FSTL5: variants seen among roughly 807,000 people sequenced by gnomAD.
FSTL5 encodes the protein follistatin like 5, also known as follistatin-related protein 5.
Under a neutral mutation model 89.1 loss-of-function variants are expected in FSTL5, and 62 were observed. The observed-to-expected ratio is 0.70, with a 90% CI of 0.57 to 0.86. The LOEUF is 0.86. FSTL5 is among the 40% of genes least tolerant of loss of function. FSTL5 has a pLI of 0.00. For missense variants in FSTL5, 1,057 were observed against 1,001.6 expected, an observed-to-expected ratio of 1.06 and a Z score of -0.75; for synonymous variants, 383 against 346.2, an observed-to-expected ratio of 1.11 and a Z score of -1.18.
intron 4 of FSTL5, among the ~76,000 whole-genome samples, chr4:161,834,788 G>A (rs140105873): frequency 0.089 from 13,450 of 151,570 alleles, 733 homozygotes; most frequent in African/African-American, 0.16. Flanking sequence ...ACCACTGCTC[G>A]AGGAAATACA....
intron 4 of FSTL5, among the ~76,000 whole-genome samples, chr4:161,902,083 A>G (rs1733383654): frequency 6.6e-6 from 1 of 152,026 alleles, no homozygotes; most frequent in Non-Finnish European, 1.5e-5. Context: ...CTGATATTTC[A>G]TTGTTCCTGG....
At chr4:161,802,368 C>T (rs919097630) in intron 4 of FSTL5, among the ~76,000 whole-genome samples, 4 of 151,618 alleles carry the variant, frequency 2.6e-5, no homozygotes, top group South Asian at 2.1e-4. Flanking sequence ...TTGTCTGAAT[C>T]GAACACAGTG....
intron 15 of FSTL5, among the ~76,000 whole-genome samples, chr4:161,397,355 T>C (rs757021871): frequency 1.3e-5 from 2 of 152,024 alleles, no homozygotes; most frequent in East Asian, 1.9e-4. Context: ...ATTGGTGGAA[T>C]AGAATAAAGG....
At chr4:161,733,079 C>A (rs1282101632) in intron 6 of FSTL5, among the ~76,000 whole-genome samples, 1 of 151,738 alleles carries the variant, frequency 6.6e-6, no homozygotes, top group African/African-American at 2.4e-5. Flanking sequence ...TTTTGTAGAA[C>A]TGATATCTTA....
At chr4:161,675,134 A>G (rs1017308070) in intron 6 of FSTL5, among the ~76,000 whole-genome samples, 27 of 152,166 alleles carry the variant, frequency 1.8e-4, no homozygotes, top group African/African-American at 6.3e-4. Context: ...CCTTTGAATC[A>G]CTTCAATAAA....
intron 6 of FSTL5, among the ~76,000 whole-genome samples, chr4:161,660,765 G>T (rs1207146893): frequency 2.0e-5 from 3 of 151,958 alleles, no homozygotes; most frequent in Non-Finnish European, 2.9e-5. Flanking sequence ...AAGGATTATG[G>T]TCTCCAGCTC....
chr4:162,080,784 G>A (rs567260102), intron 2 of FSTL5, among the ~76,000 whole-genome samples: 10 of 151,616 alleles, frequency 6.6e-5, no homozygotes, highest in African/African-American at 2.4e-4. Flanking sequence ...GGTTATTGAT[G>A]TGAGTTTGAG....
intron 3 of FSTL5, among the ~76,000 whole-genome samples, chr4:161,944,209 C>G (rs1008342494): frequency 2.0e-5 from 3 of 151,998 alleles, no homozygotes; most frequent in Non-Finnish European, 4.4e-5. Context: ...ACAACATATG[C>G]TACTATTTTG....
intron 4 of FSTL5, among the ~76,000 whole-genome samples, chr4:161,912,172 A>C (rs142262450): frequency 2.6e-4 from 40 of 152,328 alleles, no homozygotes; most frequent in Middle Eastern, 3.4e-3. Flanking sequence ...AGAAAAATCA[A>C]TTATATTGAA....
chr4:161,872,246 T>C (rs1444979947), intron 4 of FSTL5, among the ~76,000 whole-genome samples: 1 of 151,380 alleles, frequency 6.6e-6, no homozygotes, highest in East Asian at 1.9e-4. Flanking sequence ...ACTGGGATTA[T>C]AGGCATGAGC....
intron 4 of FSTL5, among the ~76,000 whole-genome samples, chr4:161,856,088 T>C (rs1171275277): frequency 6.6e-6 from 1 of 152,206 alleles, no homozygotes; most frequent in Middle Eastern, 3.4e-3. Context: ...AATATATCAA[T>C]AATAACAAGT....
chr4:162,075,293 T>C (rs1729791665), intron 2 of FSTL5, among the ~76,000 whole-genome samples: 1 of 151,852 alleles, frequency 6.6e-6, no homozygotes, highest in Non-Finnish European at 1.5e-5. Context: ...GGTTTGGATG[T>C]GAGTTGGGTT....
chr4:161,950,716 G>T (rs1159315746), intron 3 of FSTL5, among the ~76,000 whole-genome samples: 7 of 152,072 alleles, frequency 4.6e-5, no homozygotes, highest in Non-Finnish European at 8.8e-5. Context: ...CCTACAATGG[G>T]CTCTAAGTGC....
intron 15 of FSTL5, among the ~76,000 whole-genome samples, chr4:161,439,022 T>C (rs557754545): frequency 2.0e-4 from 31 of 152,116 alleles, no homozygotes; most frequent in South Asian, 6.2e-4. Flanking sequence ...CTGAAAATAA[T>C]AAATGAGCAT....
At chr4:161,797,032 C>G (rs913008002) in intron 4 of FSTL5, among the ~76,000 whole-genome samples, 2 of 151,502 alleles carry the variant, frequency 1.3e-5, no homozygotes, top group Admixed American at 1.3e-4. Flanking sequence ...ACTCTTAACT[C>G]CTTTTGTTTT....
At chr4:161,506,326 G>C (rs1056358713) in intron 11 of FSTL5, among the ~76,000 whole-genome samples, 48 of 151,666 alleles carry the variant, frequency 3.2e-4, no homozygotes, top group African/African-American at 1.1e-3. Flanking sequence ...TCCCTCTTCG[G>C]CCCCCCAAAT....
chr4:161,395,656 G>A (rs1730971844), intron 15 of FSTL5, among the ~76,000 whole-genome samples: 1 of 152,054 alleles, frequency 6.6e-6, no homozygotes, highest in African/African-American at 2.4e-5. Flanking sequence ...AATAGGTTTT[G>A]AGGAGAAAAA....
chr4:161,717,858 G>C (rs1028366787), intron 6 of FSTL5, among the ~76,000 whole-genome samples: 3 of 151,976 alleles, frequency 2.0e-5, no homozygotes, highest in Non-Finnish European at 4.4e-5. Context: ...CATGTTTAAA[G>C]ATATATCATT....
chr4:161,700,489 T>A (rs940617296), intron 6 of FSTL5, among the ~76,000 whole-genome samples: 5 of 152,140 alleles, frequency 3.3e-5, no homozygotes, highest in East Asian at 1.9e-4. Flanking sequence ...TTTAATTTTT[T>A]AAAAAATTGT....
Sources: gnomAD v4.1 joint callset for allele counts (sites outside exome capture counted in the v4.1 genomes callset) on GRCh38, gnomAD v4.1.1 for gene constraint, MANE v1.5 for transcripts, NCBI Gene and HGNC (gene_info 2026-07-23, HGNC 2026-07-21) for gene names.